The following ZNF469 variants were observed in gnomAD, a reference collection of about 807,000 sequenced individuals.
ZNF469 encodes the protein zinc finger protein 469.
ZNF469 carries 1 observed loss-of-function variant against 1.0 expected under a neutral mutation model. That is an observed-to-expected ratio of 1.00 (90% CI 0.35 to 4.73). The LOEUF (loss-of-function observed/expected upper bound fraction) is 4.73. Among genes scored for constraint, ZNF469 ranks in the 30% most tolerant of loss-of-function variants. ZNF469 has a pLI of 0.16. For missense variants in ZNF469, 6,100 were observed against 5,356.3 expected (o/e 1.14, Z -4.33); for synonymous variants, 2,703 against 2,363.4 (o/e 1.14, Z -4.17).
the ZNF469 span, among the ~76,000 whole-genome samples, chr16:88,205,329 A>C: frequency 2.6e-5 from 4 of 152,172 alleles, no homozygotes; most frequent in African/African-American, 9.6e-5. This position sits in a 1 kb window ranked among gnomAD's most constrained non-coding sequence, Gnocchi z 4.2. Flanking sequence ...CCTGAGGCAC[A>C]GCAGGGCTTC....
At chr16:88,179,749 C>T in the ZNF469 span, among the ~76,000 whole-genome samples, 2 of 152,164 alleles carry the variant, frequency 1.3e-5, no homozygotes, top group Non-Finnish European at 2.9e-5. Flanking sequence ...TGGATTATAT[C>T]TTTAAAAAGA....
At chr16:88,380,890 A>G (rs1268020652), upstream of ZNF469, among the ~76,000 whole-genome samples, 4 of 140,828 alleles carry the variant, frequency 2.8e-5, no homozygotes, top group African/African-American at 8.4e-5. Flanking sequence ...TCACCCAGAC[A>G]TGCACTCACA....
the ZNF469 span, among the ~76,000 whole-genome samples, chr16:88,283,579 G>GA: frequency 1.3e-5 from 2 of 152,182 alleles, no homozygotes; most frequent in African/African-American, 2.4e-5. Flanking sequence ...AAAATGCTGG[G>GA]AAAAAATTCT....
At chr16:88,168,118 T>C in the ZNF469 span, among the ~76,000 whole-genome samples, 1 of 152,232 alleles carries the variant, frequency 6.6e-6, no homozygotes, top group African/African-American at 2.4e-5. The surrounding 1 kb of genome is among the most constrained non-coding windows in gnomAD (Gnocchi z 4.3). Context: ...TAAGAGCTAA[T>C]TGGCACCGGG....
chr16:88,381,473 A>G (rs1477151665), upstream of ZNF469, among the ~76,000 whole-genome samples: 1 of 152,238 alleles, frequency 6.6e-6, no homozygotes, highest in African/African-American at 2.4e-5. Flanking sequence ...AGAAACAAGA[A>G]CAGACCCAGT....
At chr16:88,315,711 C>A in the ZNF469 span, among the ~76,000 whole-genome samples, 1 of 152,200 alleles carries the variant, frequency 6.6e-6, no homozygotes, top group East Asian at 1.9e-4. Flanking sequence ...CTCAGCCGAT[C>A]AGCTTCTAAA....
the ZNF469 span, among the ~76,000 whole-genome samples, chr16:88,138,052 C>T: frequency 1.3e-5 from 2 of 152,170 alleles, no homozygotes; most frequent in Admixed American, 1.3e-4. Context: ...AAGGGAGTGC[C>T]CATCTCACTC....
chr16:88,384,672 G>T (rs1360384520), intron 1 of ZNF469, among the ~76,000 whole-genome samples: 1 of 152,232 alleles, frequency 6.6e-6, no homozygotes, highest in Non-Finnish European at 1.5e-5. Context: ...AGGGAACCCA[G>T]GGGCCCCGCA....
At chr16:88,420,031 T>C (rs1239258842) in intron 1 of ZNF469, among the ~76,000 whole-genome samples, 1 of 152,216 alleles carries the variant, frequency 6.6e-6, no homozygotes, top group East Asian at 1.9e-4. Flanking sequence ...TCAGCCATGC[T>C]GTCCTTCCCC....
the ZNF469 span, among the ~76,000 whole-genome samples, chr16:88,366,863 A>G: frequency 1.3e-5 from 2 of 152,090 alleles, no homozygotes; most frequent in South Asian, 4.2e-4. Context: ...CCACACCATC[A>G]ACACCATCAC....
chr16:88,336,542 G>T, the ZNF469 span, among the ~76,000 whole-genome samples: 1 of 144,814 alleles, frequency 6.9e-6, no homozygotes. Context: ...GTGAGACACT[G>T]ATGTGCCAAT....
the ZNF469 span, among the ~76,000 whole-genome samples, chr16:88,232,376 G>A: frequency 5.9e-5 from 9 of 152,234 alleles, no homozygotes; most frequent in East Asian, 1.9e-4. Context: ...GGGAGGTGGC[G>A]TCAACAGCTC....
chr16:88,105,769 T>C, the ZNF469 span, among the ~76,000 whole-genome samples: 2 of 152,326 alleles, frequency 1.3e-5, no homozygotes, highest in East Asian at 1.9e-4. Flanking sequence ...ATTGATGATG[T>C]CTGCCATGAC....
At chr16:88,411,412 G>A (rs1020365691) in intron 1 of ZNF469, among the ~76,000 whole-genome samples, 1 of 152,024 alleles carries the variant, frequency 6.6e-6, no homozygotes, top group Non-Finnish European at 1.5e-5. Flanking sequence ...AGGCCAGGAG[G>A]TGTGTATGCT....
chr16:88,318,823 A>G, the ZNF469 span, among the ~76,000 whole-genome samples: 1 of 152,370 alleles, frequency 6.6e-6, no homozygotes, highest in East Asian at 1.9e-4. Flanking sequence ...CAGCGCGTGC[A>G]AGGGGGAGAA....
intron 1 of ZNF469, among the ~76,000 whole-genome samples, chr16:88,388,465 C>T (rs936312200): frequency 5.9e-5 from 9 of 152,260 alleles, no homozygotes; most frequent in Non-Finnish European, 1.2e-4. Context: ...CGGGGTTTTC[C>T]GCATTCCTCC....
the ZNF469 span, among the ~76,000 whole-genome samples, chr16:88,222,757 C>T: frequency 3.7e-4 from 41 of 110,386 alleles, no homozygotes; most frequent in Non-Finnish European, 5.9e-4. Flanking sequence ...GACTCCATCC[C>T]GAAAAAAAAA....
At chr16:88,370,508 C>G in the ZNF469 span, among the ~76,000 whole-genome samples, 2 of 152,132 alleles carry the variant, frequency 1.3e-5, no homozygotes, top group African/African-American at 4.8e-5. Flanking sequence ...GGACGATCGG[C>G]TAAGGAATAA....
the ZNF469 span, among the ~76,000 whole-genome samples, chr16:88,250,024 C>G: frequency 6.6e-6 from 1 of 152,250 alleles, no homozygotes; most frequent in Non-Finnish European, 1.5e-5. Flanking sequence ...TCTCATTATT[C>G]TCTGTCTATC....
Sources: allele counts gnomAD v4.1 joint callset (sites outside exome capture counted in the v4.1 genomes callset), GRCh38; gene constraint gnomAD v4.1.1; non-coding constraint Gnocchi (gnomAD v3.1); transcripts MANE v1.5; gene names NCBI Gene and HGNC (gene_info 2026-07-23, HGNC 2026-07-21).